DMD: variants seen among roughly 807,000 people sequenced by gnomAD.
DMD encodes mutant dystrophin.
Under a neutral mutation model 330.1 loss-of-function variants are expected in DMD, and 63 were observed. That is an observed-to-expected ratio of 0.19 (90% CI 0.16 to 0.24). DMD has a LOEUF of 0.24. DMD is among the 10% of genes least tolerant of loss of function. DMD has a pLI of 1.00. For missense variants in DMD, 3,344 were observed against 2,684.1 expected (o/e 1.25, Z -5.43); for synonymous variants, 1,223 against 959.8 (o/e 1.27, Z -5.07).
At chrX:33,008,163 C>G (rs183198335) in intron 2 of DMD, among the ~76,000 whole-genome samples, 199 of 111,482 alleles carry the variant, frequency 1.8e-3, no homozygotes, top group African/African-American at 6.1e-3. Flanking sequence ...TATTACTTAT[C>G]TCTGCATATA....
intron 7 of DMD, among the ~76,000 whole-genome samples, chrX:32,710,442 T>A (rs974162716): frequency 9.0e-6 from 1 of 111,283 alleles, no homozygotes; most frequent in Admixed American, 9.6e-5. Context: ...AGATTATTTT[T>A]AAGTGATAGG....
intron 13 of DMD, 70 bp downstream of exon 13, chrX:32,595,687 T>C: frequency 9.3e-7 from 1 of 1,074,415 alleles, no homozygotes; most frequent in Admixed American, 2.3e-5. Context: ...CATTCTAAAT[T>C]TTTAAAATAC....
At position 32,450,600 on chromosome X, in the gene DMD, G is replaced by A. The variant is rs748909198; in HGVS notation, c.3604-1962C>T. On this transcript the variant is annotated intron_variant, in intron 26 of 78. Transcript: ENST00000357033. ...GATCTTTACCCAAACCTTCTCGGAT[G>A]TGTTTTGTTACCTCTATATTGGACA... Among the ~76,000 whole-genome samples the A allele has an allele frequency of 2.7e-5, 3 of 110,352 alleles. No homozygotes were observed. In the East Asian group the frequency reaches 8.6e-4, roughly 32 times the overall value.
chrX:32,235,519 T>C (rs927931283), intron 43 of DMD, among the ~76,000 whole-genome samples: 4 of 110,776 alleles, frequency 3.6e-5, no homozygotes, highest in Non-Finnish European at 7.5e-5. Context: ...TAAAATACTA[T>C]ATTTTTTTCA....
intron 20 of DMD, 67 bp downstream of exon 20, chrX:32,491,210 T>C: frequency 1.7e-6 from 2 of 1,161,282 alleles, no homozygotes; most frequent in Non-Finnish European, 2.4e-6. Context: ...TTTGTTACTG[T>C]CTTCTTGGAA....
chrX:32,016,274 C>G, intron 44 of DMD, among the ~76,000 whole-genome samples: 1 of 111,859 alleles, frequency 8.9e-6, no homozygotes, highest in Middle Eastern at 4.6e-3. Context: ...AAGCCCCTCC[C>G]TTTCCCTCCT....
At chrX:31,837,978 C>A (rs1459693744) in intron 48 of DMD, among the ~76,000 whole-genome samples, 1 of 112,232 alleles carries the variant, frequency 8.9e-6, no homozygotes, top group Non-Finnish European at 1.9e-5. Flanking sequence ...ATGCAAATTT[C>A]ACTTCCTTTA....
chrX:32,312,737 G>A (rs751320750), intron 41 of DMD, among the ~76,000 whole-genome samples: 4 of 107,078 alleles, frequency 3.7e-5, no homozygotes, highest in African/African-American at 1.3e-4. Context: ...AAATGATAAA[G>A]GGGATATCAC....
chrX:32,488,811 A>G (rs900001059), intron 20 of DMD, among the ~76,000 whole-genome samples: 2 of 111,300 alleles, frequency 1.8e-5, no homozygotes, highest in Non-Finnish European at 3.8e-5. Context: ...TTTGTCTCCT[A>G]TATACCTGAC....
intron 32 of DMD, among the ~76,000 whole-genome samples, chrX:32,387,549 T>TA (rs34160838): frequency 5.4e-5 from 6 of 110,373 alleles, no homozygotes; most frequent in Non-Finnish European, 1.1e-4. Context: ...AAGTAATGTC[T>TA]AAAAAAAAGC....
chrX:33,281,693 A>T (rs761101538), intron 1 of DMD, among the ~76,000 whole-genome samples: 1 of 110,386 alleles, frequency 9.1e-6, no homozygotes, highest in Admixed American at 9.8e-5. Flanking sequence ...ATCTTATTTC[A>T]ATCTTTTATT....
At chrX:32,081,607 C>A (rs1170650874) in intron 44 of DMD, among the ~76,000 whole-genome samples, 1 of 111,655 alleles carries the variant, frequency 9.0e-6, no homozygotes, top group Non-Finnish European at 1.9e-5. Flanking sequence ...GTAATCCCAG[C>A]ACTTTGGGAG....
At chrX:32,196,778 G>T (rs2097003110) in intron 44 of DMD, among the ~76,000 whole-genome samples, 1 of 109,954 alleles carries the variant, frequency 9.1e-6, no homozygotes, top group African/African-American at 3.3e-5. Context: ...GAGGTCAGGA[G>T]ATCGAGACCA....
At chrX:32,978,946 C>T (rs900471853) in intron 2 of DMD, among the ~76,000 whole-genome samples, 1 of 112,086 alleles carries the variant, frequency 8.9e-6, no homozygotes, top group African/African-American at 3.2e-5. Context: ...ATAAAGAAGA[C>T]TTAAACTAGG....
intron 6 of DMD, among the ~76,000 whole-genome samples, chrX:32,812,933 C>T (rs1356005954): frequency 9.0e-6 from 1 of 111,476 alleles, no homozygotes; most frequent in East Asian, 2.8e-4. Flanking sequence ...AAAAAAAGGA[C>T]ATAGGTGGGA....
intron 43 of DMD, among the ~76,000 whole-genome samples, chrX:32,238,733 C>T (rs115937518): frequency 2.5e-4 from 28 of 111,902 alleles, no homozygotes; most frequent in African/African-American, 8.8e-4. Flanking sequence ...TTCCTTTCTG[C>T]TATTTTCCAT....
At position 32,201,478 on chromosome X, in the gene DMD, C is replaced by G. The variant is rs999876346; in HGVS notation, c.6438+15438G>C. On this transcript the variant is annotated intron_variant, in intron 44 of 78. Coordinates refer to ENST00000357033, the MANE Select transcript of DMD (RefSeq NM_004006.3). The stretch of plus-strand genomic sequence containing the variant: ...ATATGCAAATTCAAACACCCCCCCC[C>G]CCCCCAACAAGGAGGCCATATTTAG... 3.3e-4 allele frequency among the ~76,000 whole-genome samples: 31 copies of G among 94,856 alleles called. 1 individual carries two copies. Among genetic ancestry groups the G allele is most frequent in the South Asian group, 1.6e-3 (3 of 1,839 alleles). 82.4% of individuals were successfully genotyped at this position (94,856 alleles called of 115,157 possible).
At chrX:32,910,439 A>AT (rs763697102) in intron 2 of DMD, among the ~76,000 whole-genome samples, 70 of 110,235 alleles carry the variant, frequency 6.4e-4, no homozygotes, top group South Asian at 2.3e-3. Context: ...TTTTTCTTTT[A>AT]TTTTTTTTAG....
chrX:32,588,199 T>C (rs1368362734), intron 13 of DMD, among the ~76,000 whole-genome samples: 1 of 112,281 alleles, frequency 8.9e-6, no homozygotes, highest in Admixed American at 9.5e-5. Flanking sequence ...TCATGTAATT[T>C]AGATTCTAAT....
Sources: gnomAD v4.1 joint callset for allele counts (sites outside exome capture counted in the v4.1 genomes callset) on GRCh38, gnomAD v4.1.1 for gene constraint, MANE v1.5 for transcripts, NCBI Gene and HGNC (gene_info 2026-07-23, HGNC 2026-07-21) for gene names.